The following RTCA variants were observed in gnomAD, a reference collection of about 807,000 sequenced individuals.
RTCA encodes RNA terminal phosphate cyclase domain 1.
Under a neutral mutation model 46.1 loss-of-function variants are expected in RTCA, and 37 were observed. The observed-to-expected ratio is 0.80, with a 90% confidence interval of 0.62 to 1.06. The LOEUF (loss-of-function observed/expected upper bound fraction) is 1.06, where lower values mean the gene tolerates loss of function less well. Among genes scored for constraint, RTCA ranks in the 50% least tolerant of loss-of-function variants. The probability of loss-of-function intolerance (pLI) is 0.00; values close to 1 mark genes in which losing one functional copy is unlikely to be tolerated. For synonymous variants in RTCA, 164 were observed against 158.3 expected, an observed-to-expected ratio of 1.04 and a Z score of -0.27; for missense variants, 435 against 455.5, an observed-to-expected ratio of 0.95 and a Z score of 0.41.
chr1:100,288,644 A>G (rs916168556), intron 10 of RTCA, among the ~76,000 whole-genome samples: 3 of 151,448 alleles, frequency 2.0e-5, no homozygotes, highest in Non-Finnish European at 2.9e-5. Context: ...TCTGACCTCA[A>G]TCTCCCAAAG....
chr1:100,273,575 T>A (rs1557974596), intron 5 of RTCA, 123 bp downstream of exon 5: 2 of 513,748 alleles, frequency 3.9e-6, no homozygotes, highest in Non-Finnish European at 3.3e-6. Flanking sequence ...TTGTAAGAAG[T>A]AATTGTACTT....
At position 100,287,192 on chromosome 1, in the gene RTCA, CA is replaced by C; in HGVS notation, c.991del (p.Ile331Ter). ...GCAAACCGCGATACATTTTGCTGAA[CA>C]AATAGCAAAGGTGAGTATTCTATCA... ...HTQTAIHFAE[Q>X]IAKAKFIVKK... On this transcript the variant is annotated frameshift_variant, in exon 10 of 11. Coordinates refer to ENST00000370128, the MANE Select transcript of RTCA (RefSeq NM_003729.4). LOFTEE classifies it high-confidence loss of function. 6.4e-7 allele frequency: 1 copy of C among 1,568,364 alleles called. No individual in the cohort carries two copies. The highest frequency in any genetic ancestry group is 1.4e-5 in the African/African-American group (1 of 72,230).
intron 8 of RTCA, among the ~76,000 whole-genome samples, chr1:100,284,055 T>C (rs1308589048): frequency 6.7e-6 from 1 of 150,156 alleles, no homozygotes; most frequent in Admixed American, 6.7e-5. Context: ...AATTTGCAAA[T>C]ATAAAATAGA....
Position 100,273,473 on chromosome 1 carries a change from A to G in RTCA, c.473+21A>G, listed in dbSNP as rs1666211134. The G allele has an allele frequency of 4.0e-6, 6 of 1,488,962 alleles. No individual in the cohort carries two copies. The Admixed American group carries it at 7.6e-5, about 19-fold the overall frequency. 92.2% of individuals were successfully genotyped at this position (1,488,962 alleles called of 1,614,324 possible). On this transcript the variant is annotated intron_variant, in intron 5 of 10. Coordinates refer to ENST00000370128, the MANE Select transcript of RTCA (RefSeq NM_003729.4). ...ACAAGGTAAGTTGCTTGTTTCTTAAATGTTAGGATCTATTACTTACGCTAG... is the reference window on the plus strand; with the variant it reads ...ACAAGGTAAGTTGCTTGTTTCTTAAGTGTTAGGATCTATTACTTACGCTAG...
rs1005876725 is a variant in RTCA, at chr1:100,270,634, G to T, written c.368G>T (p.Gly123Val). ...AASPSELHLK[G>V]GTNAEMAPQI... ...TCTCCATCAGAACTTCATTTGAAAG[G>T]TGGAACTAATGCTGAAATGGCACCA... The change falls in exon 4 of 11, where the codon GGT becomes GTT. Residue 123 changes from glycine (G) to valine (V), a missense_variant. Coordinates refer to ENST00000370128, the MANE Select transcript of RTCA (RefSeq NM_003729.4). The T allele has an allele frequency of 6.2e-7, 1 of 1,613,996 alleles. No homozygotes were observed. The highest frequency in any genetic ancestry group is 8.5e-7 in the Non-Finnish European group (1 of 1,180,008).
chr1:100,268,025 G>A, intron 2 of RTCA, 127 bp from the exon 3 acceptor site: 1 of 1,340,132 alleles, frequency 7.5e-7, no homozygotes, highest in Non-Finnish European at 1.0e-6. Context: ...TGACACTGAA[G>A]ATGTGGCACT....
chr1:100,284,101 G>A (rs1038139682), intron 8 of RTCA, among the ~76,000 whole-genome samples: 1 of 151,628 alleles, frequency 6.6e-6, no homozygotes, highest in Non-Finnish European at 1.5e-5. Context: ...TTCATAAGAC[G>A]TTTTCATTTG....
chr1:100,273,398 T>C lies in RTCA; in HGVS notation c.419T>C (p.Phe140Ser), dbSNP rs1329565020. The C allele has an allele frequency of 4.4e-6, 7 of 1,578,578 alleles. No individual in the cohort carries two copies. Among genetic ancestry groups the C allele is most frequent in the Non-Finnish European group, 6.0e-6 (7 of 1,158,370 alleles). Residue 140 changes from phenylalanine to serine, a missense_variant, in exon 5 of 11, where the codon TTC (phenylalanine) becomes TCC (serine). Phe to Ser is a radical substitution (Grantham distance 155). Coordinates refer to ENST00000370128, the MANE Select transcript of RTCA (RefSeq NM_003729.4). ...GATAAAAACTGATTTTTTCAGGTCTTCAAGCCAATTGTTGAAAAATTTGGT... is the reference window on the plus strand; with the variant it reads ...GATAAAAACTGATTTTTTCAGGTCTCCAAGCCAATTGTTGAAAAATTTGGT... ...APQIDYTVMV[F>S]KPIVEKFGFI...
intron 8 of RTCA, among the ~76,000 whole-genome samples, chr1:100,281,620 C>T (rs1234033924): frequency 6.6e-6 from 1 of 152,122 alleles, no homozygotes; most frequent in African/African-American, 2.4e-5. Context: ...GTTAATCAAT[C>T]TTTATTTCCT....
chr1:100,280,711 G>A (rs1666662309), intron 8 of RTCA, among the ~76,000 whole-genome samples: 1 of 152,140 alleles, frequency 6.6e-6, no homozygotes, highest in Admixed American at 6.5e-5. Flanking sequence ...GAAAATTACT[G>A]GATTTAGGGG....
In RTCA at chr1:100,274,782, C is replaced by A; in HGVS notation, c.474-42C>A. The A allele has an allele frequency of 2.6e-6, 4 of 1,554,702 alleles. No individual in the cohort carries two copies. In the South Asian group the frequency reaches 3.6e-5, roughly 14 times the overall value. On this transcript the variant is annotated intron_variant, in intron 5 of 10. Coordinates refer to ENST00000370128, the MANE Select transcript of RTCA (RefSeq NM_003729.4). ...TTGTAATATAGAGCTTTGTTTTTGT[C>A]ATGCAATCAGTTTATGTGGGCATTT...
chr1:100,268,839 C>T (rs546402691), intron 3 of RTCA, among the ~76,000 whole-genome samples: 1 of 152,224 alleles, frequency 6.6e-6, no homozygotes, highest in African/African-American at 2.4e-5. Flanking sequence ...TTTCAAACTA[C>T]TTATGAATAT....
intron 8 of RTCA, among the ~76,000 whole-genome samples, chr1:100,282,584 T>C (rs1401803557): frequency 6.6e-6 from 1 of 152,232 alleles, no homozygotes; most frequent in Non-Finnish European, 1.5e-5. Flanking sequence ...ATCTGGTTTC[T>C]ATTACTTAGC....
chr1:100,271,835 G>A lies in RTCA; in HGVS notation c.414+1155G>A, dbSNP rs1314014257. ...GTTACTCTAAAAAATTCCCTTATAC[G>A]TTTTTGTAATCAGTCCTGAGCCTCA... On this transcript the variant is annotated intron_variant, in intron 4 of 10. Transcript: ENST00000370128. Among the ~76,000 whole-genome samples the A allele has an allele frequency of 2.6e-5, 4 of 152,220 alleles. No individual in the cohort carries two copies. In the East Asian group the frequency reaches 5.8e-4, roughly 22 times the overall value.
chr1:100,282,610 T>C (rs970568997), intron 8 of RTCA, among the ~76,000 whole-genome samples: 13 of 152,200 alleles, frequency 8.5e-5, no homozygotes, highest in African/African-American at 1.9e-4. Flanking sequence ...AGATAAATAG[T>C]GGGTATGCAA....
intron 8 of RTCA, among the ~76,000 whole-genome samples, chr1:100,277,808 G>C (rs1166910232): frequency 1.3e-5 from 2 of 151,030 alleles, no homozygotes; most frequent in Non-Finnish European, 2.9e-5. Context: ...TTTTTGGGGG[G>C]GGGCACATAG....
intron 8 of RTCA, 61 bp downstream of exon 8, chr1:100,277,377 A>T: frequency 7.2e-7 from 1 of 1,396,410 alleles, no homozygotes; most frequent in Non-Finnish European, 9.9e-7. Context: ...TTAATCCATC[A>T]GGATTGGAAT....
intron 10 of RTCA, among the ~76,000 whole-genome samples, chr1:100,288,506 C>T (rs1006102897): frequency 4.6e-5 from 7 of 152,010 alleles, no homozygotes; most frequent in Non-Finnish European, 7.4e-5. Flanking sequence ...ATCCTCCCAC[C>T]GCAGCCTCCC....
intron 8 of RTCA, among the ~76,000 whole-genome samples, chr1:100,283,141 T>A (rs1268890946): frequency 6.6e-6 from 1 of 151,360 alleles, no homozygotes; most frequent in African/African-American, 2.4e-5. Context: ...GCTATCTCAT[T>A]ATGTATATCC....
Sources: gnomAD v4.1 joint callset for allele counts (sites outside exome capture counted in the v4.1 genomes callset) on GRCh38, gnomAD v4.1.1 for gene constraint, MANE v1.5 for transcripts, NCBI Gene and HGNC (gene_info 2026-07-23, HGNC 2026-07-21) for gene names.